The following RNF220 variants were observed in gnomAD, a reference collection of about 807,000 sequenced individuals.
RNF220 encodes the protein E3 ubiquitin-protein ligase RNF220.
A neutral mutation model predicts 67.1 loss-of-function variants in RNF220; 7 were observed. The observed-to-expected ratio is 0.10, with a 90% CI of 0.06 to 0.20. The LOEUF (loss-of-function observed/expected upper bound fraction) is 0.20. Among genes scored for constraint, RNF220 ranks in the 10% least tolerant of loss-of-function variants. The pLI is 1.00. For missense variants in RNF220, 565 were observed against 740.3 expected, an observed-to-expected ratio of 0.76 and a Z score of 2.75; for synonymous variants, 270 against 283.2, an observed-to-expected ratio of 0.95 and a Z score of 0.47.
chr1:44,632,271 G>A (rs1489846484), intron 5 of RNF220, 72 bp from the exon 6 acceptor site: 3 of 1,613,528 alleles, frequency 1.9e-6, no homozygotes, highest in African/African-American at 2.7e-5. Flanking sequence ...GTGCTGGGGC[G>A]GGGGCCAGGA....
chr1:44,451,052 G>C lies in RNF220; in HGVS notation c.625+38330G>C, dbSNP rs187498922. 6.2e-3 allele frequency among the ~76,000 whole-genome samples: 947 copies of C among 152,104 alleles called. 15 individuals carry two copies. Among genetic ancestry groups the C allele is most frequent in the African/African-American group, 0.022 (902 of 41,494 alleles). ...CAAAAAATTAGCGGGGCGTGGTGGCGGGCACCTGTAGTCCCAGCTACTCAG... is the reference window on the plus strand; with the variant it reads ...CAAAAAATTAGCGGGGCGTGGTGGCCGGCACCTGTAGTCCCAGCTACTCAG... On this transcript the variant is annotated intron_variant, in intron 2 of 14. Coordinates refer to ENST00000361799, the MANE Select transcript of RNF220 (RefSeq NM_018150.4).
At chr1:44,507,463 G>A (rs540253153) in intron 2 of RNF220, among the ~76,000 whole-genome samples, 11 of 152,212 alleles carry the variant, frequency 7.2e-5, no homozygotes, top group Admixed American at 2.0e-4. Flanking sequence ...TTGGGGGTGG[G>A]GTGAAGGGGG....
At chr1:44,529,117 A>G (rs1660634792) in intron 2 of RNF220, among the ~76,000 whole-genome samples, 1 of 152,178 alleles carries the variant, frequency 6.6e-6, no homozygotes, top group African/African-American at 2.4e-5. Context: ...AAATAATTAG[A>G]TATGTGGTCA....
chr1:44,614,753 C>A (rs1643473963), intron 3 of RNF220, among the ~76,000 whole-genome samples: 1 of 152,102 alleles, frequency 6.6e-6, no homozygotes, highest in Non-Finnish European at 1.5e-5. Context: ...CAGGTGTGTC[C>A]CCCACTGTCC....
intron 2 of RNF220, among the ~76,000 whole-genome samples, chr1:44,450,002 G>T (rs983561212): frequency 6.6e-6 from 1 of 152,138 alleles, no homozygotes; most frequent in African/African-American, 2.4e-5. Context: ...ATCTGAGGTT[G>T]GGAGTTCGAG....
chr1:44,527,450 T>C (rs1198959760), intron 2 of RNF220, among the ~76,000 whole-genome samples: 2 of 152,070 alleles, frequency 1.3e-5, no homozygotes, highest in Non-Finnish European at 2.9e-5. Flanking sequence ...CCTTGCCTTG[T>C]ACCTTATATC....
chr1:44,595,281 T>C lies in RNF220; in HGVS notation c.626-18884T>C, dbSNP rs531523152. Among the ~76,000 whole-genome samples, 311 of 152,274 alleles carry C rather than the reference T, an allele frequency of 2.0e-3. 3 individuals are homozygous for C. Among genetic ancestry groups the C allele is most frequent in the African/African-American group, 7.1e-3 (295 of 41,550 alleles). The stretch of plus-strand genomic sequence containing the variant: ...CTCGGCCGGCTCCGGGGCCCCTGCC[T>C]AACACCCCCTCCCAGTGCTGGAGCC... On this transcript the variant is annotated intron_variant, in intron 2 of 14. Transcript: ENST00000361799.
At chr1:44,607,508 A>G (rs59217230) in intron 2 of RNF220, among the ~76,000 whole-genome samples, 35,094 of 142,492 alleles carry the variant, frequency 0.25, 4,539 homozygotes, top group Non-Finnish European at 0.29. Context: ...TTTTTTTGAG[A>G]CGGAGTCTCG....
intron 6 of RNF220, 54 bp downstream of exon 6, chr1:44,632,439 C>CCCACCCCCGGCCT: frequency 6.6e-7 from 1 of 1,504,806 alleles, no homozygotes; most frequent in Non-Finnish European, 9.0e-7. Context: ...CTCCCTCCCT[C>CCCACCCCCGGCCT]CCTCACTGCC....
In RNF220 at chr1:44,426,869, T is replaced by C. The variant is rs1002156281; in HGVS notation, c.625+14147T>C. On this transcript the variant is annotated intron_variant, in intron 2 of 14. Coordinates refer to ENST00000361799, the MANE Select transcript of RNF220 (RefSeq NM_018150.4). ...AAGTTCCAGGGTTATTCCTCCAAGT[T>C]CCCAGGGGTCCTGTTCTCCTCCCAT... Among the ~76,000 whole-genome samples, 6 of 152,180 alleles carry C rather than the reference T, an allele frequency of 3.9e-5. No homozygotes were observed. The East Asian group carries it at 9.6e-4, about 24-fold the overall frequency.
intron 2 of RNF220, among the ~76,000 whole-genome samples, chr1:44,512,812 G>C (rs79144775): frequency 0.014 from 2,186 of 152,226 alleles, 63 homozygotes; most frequent in East Asian, 0.088. Flanking sequence ...AAGAAGAGCG[G>C]CTGTCTCAGG....
intron 2 of RNF220, among the ~76,000 whole-genome samples, chr1:44,454,442 T>G (rs1039371465): frequency 3.3e-5 from 5 of 152,174 alleles, no homozygotes; most frequent in Admixed American, 6.5e-5. Context: ...ATTTTTAGAT[T>G]TTCTATTGAA....
chr1:44,564,574 G>GA (rs1368783581), intron 2 of RNF220, among the ~76,000 whole-genome samples: 1 of 151,892 alleles, frequency 6.6e-6, no homozygotes, highest in Non-Finnish European at 1.5e-5. Context: ...CCCACATGGT[G>GA]AAAAAACCCA....
At chr1:44,580,049 A>G (rs966806645) in intron 2 of RNF220, among the ~76,000 whole-genome samples, 6 of 149,316 alleles carry the variant, frequency 4.0e-5, no homozygotes, top group African/African-American at 9.9e-5. Flanking sequence ...AAAAAAAAAA[A>G]AAAAAAAAGA....
intron 2 of RNF220, among the ~76,000 whole-genome samples, chr1:44,529,415 A>G (rs1314045697): frequency 6.6e-6 from 1 of 151,728 alleles, no homozygotes; most frequent in Non-Finnish European, 1.5e-5. Context: ...TATGTCACCC[A>G]GGATGGAGTG....
chr1:44,583,345 G>A (rs954099488), intron 2 of RNF220, among the ~76,000 whole-genome samples: 2 of 152,040 alleles, frequency 1.3e-5, no homozygotes, highest in Non-Finnish European at 2.9e-5. Flanking sequence ...CCTTGCCCTT[G>A]GCTTCTCGCA....
chr1:44,472,052 A>T (rs1654861505), intron 2 of RNF220, among the ~76,000 whole-genome samples: 1 of 152,162 alleles, frequency 6.6e-6, no homozygotes, highest in Non-Finnish European at 1.5e-5. Flanking sequence ...TCAATACTTC[A>T]TTCCTTTTTA....
At chr1:44,422,420 C>A (rs1390322600) in intron 2 of RNF220, among the ~76,000 whole-genome samples, 2 of 152,210 alleles carry the variant, frequency 1.3e-5, no homozygotes, top group East Asian at 3.8e-4. Context: ...TTCATTCAGA[C>A]TGAGCAGCAG....
chr1:44,510,623 A>C (rs1658908047), intron 2 of RNF220, among the ~76,000 whole-genome samples: 2 of 151,940 alleles, frequency 1.3e-5, no homozygotes, highest in Admixed American at 1.3e-4. Context: ...CCCAATGTAC[A>C]TTTTGTCTTC....
Sources: allele counts gnomAD v4.1 joint callset (sites outside exome capture counted in the v4.1 genomes callset), GRCh38; gene constraint gnomAD v4.1.1; transcripts MANE v1.5; gene names NCBI Gene and HGNC (gene_info 2026-07-23, HGNC 2026-07-21).